Variants in IFTAP observed in about 807,000 individuals in gnomAD.
The protein encoded by IFTAP is intraflagellar transport-associated protein.
In IFTAP, 19 loss-of-function variants were observed where a neutral mutation model predicts 19.4. The ratio of observed to expected loss-of-function variants is 0.98; its 90% CI spans 0.68 to 1.44. The LOEUF is 1.44. Ranked by LOEUF, IFTAP falls within the 40% of genes most tolerant of loss-of-function variation. The pLI is 0.00. For synonymous variants in IFTAP, 85 were observed against 83.5 expected (o/e 1.02, Z -0.10); for missense variants, 240 against 253.6 (o/e 0.95, Z 0.36).
intron 1 of IFTAP, among the ~76,000 whole-genome samples, chr11:36,596,935 T>C (rs1851290673): frequency 2.0e-5 from 3 of 152,214 alleles, no homozygotes; most frequent in Admixed American, 6.5e-5. Flanking sequence ...TGTAGCTTAG[T>C]CTAGGCCCCT....
chr11:36,611,990 G>T (rs1015375738), intron 2 of IFTAP, among the ~76,000 whole-genome samples: 1 of 151,970 alleles, frequency 6.6e-6, no homozygotes, highest in African/African-American at 2.4e-5. Context: ...ATGACATTTT[G>T]ATAATTCACA....
intron 1 of IFTAP, among the ~76,000 whole-genome samples, chr11:36,601,186 G>C (rs1291360830): frequency 6.6e-6 from 1 of 152,222 alleles, no homozygotes; most frequent in Admixed American, 6.5e-5. Context: ...ATAGCATTAG[G>C]ATAAGCATAG....
At chr11:36,618,884 G>A (rs547145444) in intron 2 of IFTAP, among the ~76,000 whole-genome samples, 2 of 152,146 alleles carry the variant, frequency 1.3e-5, no homozygotes, top group African/African-American at 4.8e-5. Flanking sequence ...GGAGAAGTAC[G>A]TTGCTGGAGG....
At chr11:36,606,248 C>T (rs748979567) in intron 1 of IFTAP, among the ~76,000 whole-genome samples, 5 of 152,132 alleles carry the variant, frequency 3.3e-5, no homozygotes, top group Non-Finnish European at 7.4e-5. Context: ...CACCTGAGGT[C>T]AGGAGTTCGA....
chr11:36,647,452 G>T (rs1853533053), intron 4 of IFTAP, among the ~76,000 whole-genome samples: 1 of 152,120 alleles, frequency 6.6e-6, no homozygotes, highest in Non-Finnish European at 1.5e-5. Context: ...TGCTTAACAA[G>T]CAGGAAACAT....
intron 5 of IFTAP, among the ~76,000 whole-genome samples, chr11:36,656,852 C>T (rs1419477162): frequency 6.6e-6 from 1 of 151,960 alleles, no homozygotes; most frequent in Non-Finnish European, 1.5e-5. Flanking sequence ...GAGTCGGGGG[C>T]ATGGTATGGT....
chr11:36,606,991 G>A (rs7103064), intron 1 of IFTAP, among the ~76,000 whole-genome samples: 23,472 of 152,138 alleles, frequency 0.15, 2,610 homozygotes, highest in African/African-American at 0.31. Context: ...GCCATAACCA[G>A]TGCTTTTTCG....
chr11:36,641,727 G>A (rs1341063147), intron 4 of IFTAP, among the ~76,000 whole-genome samples: 3 of 152,282 alleles, frequency 2.0e-5, no homozygotes, highest in Middle Eastern at 3.4e-3. Flanking sequence ...GTGGGGTGTG[G>A]TGCTGAGAAG....
chr11:36,623,533 G>A (rs1852388119), intron 2 of IFTAP, among the ~76,000 whole-genome samples: 1 of 152,124 alleles, frequency 6.6e-6, no homozygotes, highest in Admixed American at 6.6e-5. Flanking sequence ...GGATATTATA[G>A]CTTACAGAAT....
intron 1 of IFTAP, among the ~76,000 whole-genome samples, chr11:36,603,876 T>C (rs1427379337): frequency 6.6e-6 from 1 of 151,308 alleles, no homozygotes; most frequent in East Asian, 1.9e-4. Flanking sequence ...GAGTAGAGAT[T>C]GCTCCACTGC....
intron 2 of IFTAP, among the ~76,000 whole-genome samples, chr11:36,616,535 G>A (rs1852096574): frequency 6.6e-6 from 1 of 151,946 alleles, no homozygotes; most frequent in African/African-American, 2.4e-5. Context: ...TAAATTGCTG[G>A]AGGACTGGCC....
At chr11:36,611,594 C>T (rs903203436) in intron 2 of IFTAP, among the ~76,000 whole-genome samples, 3 of 151,754 alleles carry the variant, frequency 2.0e-5, no homozygotes, top group Non-Finnish European at 4.4e-5. Context: ...GTAGTTATAA[C>T]GAAAAGAAAA....
At chr11:36,617,137 A>G (rs1379604633) in intron 2 of IFTAP, among the ~76,000 whole-genome samples, 1 of 150,166 alleles carries the variant, frequency 6.7e-6, no homozygotes, top group African/African-American at 2.4e-5. Context: ...ATTTTAGAAA[A>G]TTGATTTAAA....
At chr11:36,603,135 T>C (rs1195879749) in intron 1 of IFTAP, among the ~76,000 whole-genome samples, 1 of 152,166 alleles carries the variant, frequency 6.6e-6, no homozygotes, top group Non-Finnish European at 1.5e-5. Flanking sequence ...AAGAGTATAC[T>C]TGGGGAAATA....
chr11:36,658,951 A>T, intron 5 of IFTAP, 68 bp from the exon 6 acceptor site: 1 of 1,215,754 alleles, frequency 8.2e-7, no homozygotes, highest in Non-Finnish European at 1.1e-6. Flanking sequence ...ATAGGGAGTT[A>T]ATTTTTCAAC....
chr11:36,627,121 T>C (rs1852545994), intron 2 of IFTAP, among the ~76,000 whole-genome samples: 1 of 151,294 alleles, frequency 6.6e-6, no homozygotes. Flanking sequence ...TGGTATGGAA[T>C]ATCTAGAAGA....
Position 36,610,258 on chromosome 11 carries a change from C to T in IFTAP, c.136+19C>T, listed in dbSNP as rs779761721. The T allele has an allele frequency of 3.9e-5, 61 of 1,579,270 alleles. No homozygotes were observed. Among genetic ancestry groups the T allele is most frequent in the South Asian group, 2.8e-4 (25 of 88,470 alleles). ...TCACAAGGTAAAATGGAGAAGTAAA[C>T]TTTCTGCAGCAATGGAGATAAATAA... On this transcript the variant is annotated intron_variant, in intron 2 of 5. Coordinates refer to ENST00000334307, the MANE Select transcript of IFTAP (RefSeq NM_138787.4).
intron 2 of IFTAP, among the ~76,000 whole-genome samples, chr11:36,626,895 T>A (rs1852535881): frequency 6.6e-6 from 1 of 150,996 alleles, no homozygotes; most frequent in Admixed American, 6.6e-5. Flanking sequence ...AGTCCTTAGG[T>A]CAAACTCAGT....
chr11:36,659,176 C>G lies in IFTAP; in HGVS notation c.656C>G (p.Ser219Cys). 1 of 1,573,552 alleles carries G rather than the reference C, an allele frequency of 6.4e-7. No individual in the cohort carries two copies. The highest frequency in any genetic ancestry group is 8.6e-7 in the Non-Finnish European group (1 of 1,164,702). Reference protein sequence around the residue: ...RKDTSPDLEKSCD With the variant: ...RKDTSPDLEKCCD The stretch of plus-strand genomic sequence containing the variant: ...GACACCAGCCCAGACTTAGAGAAAT[C>G]CTGTGACTGATTCACAGAGGCATTT... Residue 219 changes from serine (S) to cysteine (C), a missense_variant, in exon 6 of 6, where the codon TCC (serine) becomes TGC (cysteine). Ser to Cys is a moderately radical substitution (Grantham distance 112). Coordinates refer to ENST00000334307, the MANE Select transcript of IFTAP (RefSeq NM_138787.4).
Sources: allele counts gnomAD v4.1 joint callset (sites outside exome capture counted in the v4.1 genomes callset), GRCh38; gene constraint gnomAD v4.1.1; transcripts MANE v1.5; gene names NCBI Gene and HGNC (gene_info 2026-07-23, HGNC 2026-07-21).